The following CGNL1 variants were observed in gnomAD, a reference collection of about 807,000 sequenced individuals.
CGNL1 encodes cingulin like 1.
CGNL1 carries 132 observed loss-of-function variants against 141.2 expected under a neutral mutation model. The observed-to-expected ratio is 0.93, with a 90% CI of 0.81 to 1.08. The LOEUF (loss-of-function observed/expected upper bound fraction) is 1.08, where lower values mean the gene tolerates loss of function less well. Among genes scored for constraint, CGNL1 ranks in the 50% least tolerant of loss-of-function variants. CGNL1 has a pLI of 0.00. For missense variants in CGNL1, 1,870 were observed against 1,588.6 expected (o/e 1.18, Z -3.01); for synonymous variants, 690 against 622.1 (o/e 1.11, Z -1.63).
At chr15:57,385,786 A>G (rs889797982) in intron 1 of CGNL1, among the ~76,000 whole-genome samples, 1 of 152,230 alleles carries the variant, frequency 6.6e-6, no homozygotes, top group Non-Finnish European at 1.5e-5. Context: ...CATTCTTGGT[A>G]GTTATGACTG....
At position 57,531,763 on chromosome 15, in the gene CGNL1, G is replaced by C; in HGVS notation, c.3275G>C (p.Ser1092Thr). Residue 1092 changes from serine to threonine, a missense_variant, in exon 14 of 19, where the codon AGT becomes ACT. Transcript: ENST00000281282. ...NNSDLLSERI[S>T]RSREQMEQLR... ...TCAGATTTGCTGTCTGAGAGGATCA[G>C]TAGGAGCAGGGAACAGGTACTATTC... The C allele has an allele frequency of 6.2e-7, 1 of 1,607,792 alleles. No homozygotes were observed. The highest frequency in any genetic ancestry group is 8.5e-7 in the Non-Finnish European group (1 of 1,174,236).
chr15:57,460,047 A>C (rs2063426353), intron 7 of CGNL1, among the ~76,000 whole-genome samples: 1 of 152,236 alleles, frequency 6.6e-6, no homozygotes, highest in African/African-American at 2.4e-5. Flanking sequence ...TAAAGAATGC[A>C]AAGTTGCAAT....
intron 8 of CGNL1, among the ~76,000 whole-genome samples, chr15:57,490,055 A>G (rs2063837187): frequency 6.6e-6 from 1 of 152,214 alleles, no homozygotes; most frequent in Non-Finnish European, 1.5e-5. Flanking sequence ...ATTTCGTGAC[A>G]GACACAATTT....
chr15:57,438,426 C>A lies in CGNL1; in HGVS notation c.427C>A (p.Leu143Met). 1 of 1,614,186 alleles carries A rather than the reference C, an allele frequency of 6.2e-7. No homozygotes were observed. The highest frequency in any genetic ancestry group is 8.5e-7 in the Non-Finnish European group (1 of 1,180,020). ...CGGGTCTGTGAAGCCATCTCACCTG[C>A]TGAACTTTCAGAGGCATCCAGAGCT... ...KDGSVKPSHLLNFQRHPELLQ... is the reference protein window; with the variant it reads ...KDGSVKPSHLMNFQRHPELLQ... Residue 143 changes from leucine to methionine, a missense_variant, in exon 2 of 19, where the codon CTG becomes ATG. Physicochemically the swap from Leu to Met is conservative, Grantham distance 15. Coordinates refer to ENST00000281282, the MANE Select transcript of CGNL1 (RefSeq NM_032866.5).
At chr15:57,514,134 C>T (rs1479943672) in intron 8 of CGNL1, among the ~76,000 whole-genome samples, 4 of 149,014 alleles carry the variant, frequency 2.7e-5, no homozygotes, top group Non-Finnish European at 6.0e-5. Context: ...ATATACTGTT[C>T]GGATCCTTTC....
chr15:57,435,097 A>C (rs2063089521), intron 1 of CGNL1, among the ~76,000 whole-genome samples: 1 of 152,204 alleles, frequency 6.6e-6, no homozygotes. Context: ...GTTGAGGGAA[A>C]GATTTAAGGA....
intron 8 of CGNL1, among the ~76,000 whole-genome samples, chr15:57,497,763 T>C (rs185964817): frequency 2.0e-5 from 3 of 152,340 alleles, no homozygotes; most frequent in South Asian, 4.1e-4. Context: ...GCATGTATGC[T>C]GTGCAGCAGA....
At chr15:57,541,692 C>A (rs1172641433) in intron 14 of CGNL1, among the ~76,000 whole-genome samples, 1 of 152,200 alleles carries the variant, frequency 6.6e-6, no homozygotes, top group East Asian at 1.9e-4. Context: ...CTATTGGAAT[C>A]CTTTTCACTT....
chr15:57,439,762 G>T (rs1213118289), intron 2 of CGNL1, among the ~76,000 whole-genome samples, 161 bp downstream of exon 2: 26 of 152,244 alleles, frequency 1.7e-4, no homozygotes, highest in African/African-American at 5.5e-4. Context: ...TCCTACTGAC[G>T]ATGTCCTACT....
chr15:57,544,330 G>T (rs1450098061), intron 15 of CGNL1, 143 bp from the exon 16 acceptor site: 1 of 940,628 alleles, frequency 1.1e-6, no homozygotes, highest in Non-Finnish European at 1.6e-6. Flanking sequence ...TGTTCCCCAG[G>T]TCTCCAGGCC....
rs575061957 is a variant in CGNL1, at chr15:57,503,238, C to T, written c.2404-13542C>T. 2.9e-4 allele frequency among the ~76,000 whole-genome samples: 44 copies of T among 152,364 alleles called. 1 individual carries two copies. Among genetic ancestry groups the T allele is most frequent in the African/African-American group, 1.1e-3 (44 of 41,586 alleles). On this transcript the variant is annotated intron_variant, in intron 8 of 18. Coordinates refer to ENST00000281282, the MANE Select transcript of CGNL1 (RefSeq NM_032866.5). ...AGCCTTGGCAGGGGCCTTCCTCCTA[C>T]TCCTGATGAGGTGGCCCCAGGGATG...
chr15:57,453,558 CAG>C, intron 6 of CGNL1, 123 bp from the exon 7 acceptor site: 1 of 1,261,180 alleles, frequency 7.9e-7, no homozygotes, highest in Non-Finnish European at 1.1e-6. Flanking sequence ...CAGTGCAGAA[CAG>C]AGAATGGGGA....
chr15:57,516,150 C>T (rs866136836), intron 8 of CGNL1, among the ~76,000 whole-genome samples: 1 of 107,756 alleles, frequency 9.3e-6, no homozygotes, highest in Non-Finnish European at 1.8e-5. Flanking sequence ...CAGAGCGAGA[C>T]TCTGTCTCAA....
intron 8 of CGNL1, among the ~76,000 whole-genome samples, chr15:57,494,768 G>A (rs2063913506): frequency 1.3e-5 from 2 of 152,202 alleles, no homozygotes; most frequent in African/African-American, 4.8e-5. Context: ...TGTTCAGCTG[G>A]CATCTCATCC....
chr15:57,523,219 C>G (rs1255929697), intron 10 of CGNL1, among the ~76,000 whole-genome samples: 4 of 152,204 alleles, frequency 2.6e-5, no homozygotes, highest in Non-Finnish European at 5.9e-5. Context: ...CCACCAGCAG[C>G]CTTGGCCATG....
rs181673108 is a variant in CGNL1, at chr15:57,462,810, A to T, written c.2403+918A>T. Among the ~76,000 whole-genome samples, 6 of 152,266 alleles carry T rather than the reference A, an allele frequency of 3.9e-5. No homozygotes were observed. The East Asian group carries it at 1.2e-3, about 29-fold the overall frequency. ...TAACAATAAAAAGTCTGGGAAATAG[A>T]CTGTTTGGGGTTATTACAACTTGGA... On this transcript the variant is annotated intron_variant, in intron 8 of 18. Coordinates refer to ENST00000281282, the MANE Select transcript of CGNL1 (RefSeq NM_032866.5).
At chr15:57,410,767 C>T (rs2062777715) in intron 1 of CGNL1, among the ~76,000 whole-genome samples, 1 of 152,196 alleles carries the variant, frequency 6.6e-6, no homozygotes, top group Non-Finnish European at 1.5e-5. Flanking sequence ...GAGTGCCCTT[C>T]AAATCTTGTA....
intron 1 of CGNL1, among the ~76,000 whole-genome samples, chr15:57,421,144 G>C (rs186219423): frequency 2.0e-4 from 31 of 152,300 alleles, no homozygotes; most frequent in Admixed American, 1.8e-3. Flanking sequence ...AGGAAAGGCC[G>C]TGTGAGAACA....
intron 8 of CGNL1, among the ~76,000 whole-genome samples, chr15:57,481,926 G>C (rs1303726327): frequency 6.6e-6 from 1 of 152,080 alleles, no homozygotes; most frequent in Admixed American, 6.5e-5. Context: ...CCAGCATTTG[G>C]CATTGTCAAT....
Sources: gnomAD v4.1 joint callset for allele counts (sites outside exome capture counted in the v4.1 genomes callset) on GRCh38, gnomAD v4.1.1 for gene constraint, MANE v1.5 for transcripts, NCBI Gene and HGNC (gene_info 2026-07-23, HGNC 2026-07-21) for gene names.